DCAF1: variants seen among roughly 807,000 people sequenced by gnomAD.
The protein encoded by DCAF1 is DDB1 and CUL4 associated factor 1, also known as DDB1- and CUL4-associated factor 1.
In DCAF1, 15 loss-of-function variants were observed where a neutral mutation model predicts 128.0. The observed-to-expected ratio is 0.12, with a 90% CI of 0.08 to 0.18. The LOEUF (loss-of-function observed/expected upper bound fraction) is 0.18. DCAF1 is among the 10% of genes least tolerant of loss of function. DCAF1 has a pLI of 1.00. For synonymous variants in DCAF1, 610 were observed against 603.0 expected (o/e 1.01, Z -0.17); for missense variants, 988 against 1,649.5 (o/e 0.60, Z 6.95).
rs142723901 is a variant in DCAF1 at position 51,466,745 on chromosome 3, A to G, written c.261+58T>C. 246 of 1,565,102 alleles carry G rather than the reference A, an allele frequency of 1.6e-4. 1 individual carries two copies. Among genetic ancestry groups the G allele is most frequent in the East Asian group, 1.0e-3 (46 of 44,414 alleles). Reference sequence around the variant, plus strand: ...AAGGCAAACTATTCACGAAAAAACAATAAAGATACAGCATCTACAGATGAT... The same window carrying G: ...AAGGCAAACTATTCACGAAAAAACAGTAAAGATACAGCATCTACAGATGAT... On this transcript the variant is annotated intron_variant, in intron 5 of 24. Transcript: ENST00000684031.
chr3:51,501,650 G>C (rs1298368577), upstream of DCAF1, among the ~76,000 whole-genome samples: 11 of 151,988 alleles, frequency 7.2e-5, no homozygotes, highest in Admixed American at 7.2e-4. Flanking sequence ...TCCAGAAAAG[G>C]GACCATCCTC....
intron 6 of DCAF1, among the ~76,000 whole-genome samples, chr3:51,445,840 G>C (rs73078648): frequency 0.19 from 29,582 of 152,076 alleles, 3,250 homozygotes; most frequent in South Asian, 0.37. Flanking sequence ...CTATCAGTCT[G>C]ATGGGTGTAA....
intron 2 of DCAF1, among the ~76,000 whole-genome samples, chr3:51,485,530 C>A (rs555671102): frequency 1.3e-5 from 2 of 152,324 alleles, no homozygotes; most frequent in African/African-American, 2.4e-5. Flanking sequence ...ATGGCATCAA[C>A]TTCTTTATAA....
At chr3:51,418,050 C>T (rs1326154748) in intron 17 of DCAF1, 66 bp downstream of exon 17, 10 of 1,539,780 alleles carry the variant, frequency 6.5e-6, no homozygotes, top group Non-Finnish European at 8.8e-6. Context: ...AGTCTAAGAA[C>T]CAAATGAAGG....
intron 18 of DCAF1, among the ~76,000 whole-genome samples, 192 bp from the exon 19 acceptor site, chr3:51,415,049 C>T (rs4371506): frequency 2.0e-5 from 3 of 151,968 alleles, no homozygotes; most frequent in Non-Finnish European, 4.4e-5. Context: ...CCAGGCACCT[C>T]TTTTTCTCGG....
intron 23 of DCAF1, among the ~76,000 whole-genome samples, chr3:51,409,399 T>A (rs1423969722): frequency 2.0e-5 from 3 of 152,006 alleles, no homozygotes; most frequent in Admixed American, 1.3e-4. Context: ...TTCCTCTGAG[T>A]TGACCTCCCC....
intron 6 of DCAF1, among the ~76,000 whole-genome samples, chr3:51,459,433 A>G (rs1703295201): frequency 1.3e-5 from 2 of 152,190 alleles, no homozygotes; most frequent in African/African-American, 2.4e-5. Context: ...CCAACCAAAA[A>G]AAGTCCAGGA....
intron 4 of DCAF1, 42 bp downstream of exon 4, chr3:51,470,887 A>C: frequency 7.0e-7 from 1 of 1,426,514 alleles, no homozygotes; most frequent in Non-Finnish European, 9.5e-7. Flanking sequence ...AAGTGTCTTA[A>C]AAGAAAAAAA....
chr3:51,465,806 C>T (rs1704070275), intron 5 of DCAF1, among the ~76,000 whole-genome samples: 1 of 152,148 alleles, frequency 6.6e-6, no homozygotes, highest in South Asian at 2.1e-4. Context: ...GGGCCTTCAT[C>T]GTGTGCCAGG....
Position 51,420,700 on chromosome 3 carries a change from A to T in DCAF1, c.2270T>A (p.Leu757Gln). Residue 757 changes from leucine to glutamine, a missense_variant, in exon 15 of 25, where the codon CTG becomes CAG. By Grantham distance (113) the Leu-to-Gln change is moderately radical. Transcript: ENST00000684031. This position sits in a 1 kb window ranked among gnomAD's most constrained non-coding sequence, Gnocchi z 6.5. ...PITDADQIRALACKALVGLSR... is the reference protein window; with the variant it reads ...PITDADQIRAQACKALVGLSR... ...CAGGCCCACTAGGGCTTTGCAGGCC[A>T]GGGCCCGGATTTGGTCTGCATCTGT... The T allele has an allele frequency of 3.7e-6, 6 of 1,613,636 alleles. No individual in the cohort carries two copies. The highest frequency in any genetic ancestry group is 5.1e-6 in the Non-Finnish European group (6 of 1,179,742).
At chr3:51,428,973 T>C (rs1239515452) in intron 12 of DCAF1, among the ~76,000 whole-genome samples, 1 of 152,188 alleles carries the variant, frequency 6.6e-6, no homozygotes, top group African/African-American at 2.4e-5. Flanking sequence ...CACTCCAGCC[T>C]GGGTGACAGA....
intron 13 of DCAF1, among the ~76,000 whole-genome samples, chr3:51,426,080 A>G (rs1243351477): frequency 1.3e-5 from 2 of 152,218 alleles, no homozygotes; most frequent in African/African-American, 4.8e-5. Flanking sequence ...TCTTCCAGAG[A>G]TGATGTGATG....
At chr3:51,461,499 T>C (rs1237795035) in intron 6 of DCAF1, among the ~76,000 whole-genome samples, 1 of 152,002 alleles carries the variant, frequency 6.6e-6, no homozygotes, top group African/African-American at 2.4e-5. Flanking sequence ...TGGAAGTCAG[T>C]GTGGCGATTC....
At chr3:51,439,119 T>G (rs1701119026) in intron 9 of DCAF1, among the ~76,000 whole-genome samples, 1 of 151,950 alleles carries the variant, frequency 6.6e-6, no homozygotes, top group African/African-American at 2.4e-5. Flanking sequence ...AAACCTTTAC[T>G]GAGTTGAAGG....
At chr3:51,459,416 T>C (rs1703292741) in intron 6 of DCAF1, among the ~76,000 whole-genome samples, 1 of 152,130 alleles carries the variant, frequency 6.6e-6, no homozygotes, top group Non-Finnish European at 1.5e-5. Context: ...CAATAATCAA[T>C]AGCTTACCAA....
intron 9 of DCAF1, among the ~76,000 whole-genome samples, chr3:51,438,884 T>G (rs889949664): frequency 1.3e-5 from 2 of 152,250 alleles, no homozygotes; most frequent in Non-Finnish European, 2.9e-5. Flanking sequence ...GTGCTGGGAT[T>G]ACAGACATGA....
chr3:51,505,255 T>A, the DCAF1 span, among the ~76,000 whole-genome samples: 1 of 151,744 alleles, frequency 6.6e-6, no homozygotes, highest in Non-Finnish European at 1.5e-5. Flanking sequence ...CAGAGTGAGA[T>A]TCTGTCTCAA....
chr3:51,397,878 T>TTAAA lies in DCAF1; in HGVS notation c.*887_*890dup, dbSNP rs2089315508. 6.0e-6 allele frequency: 1 copy of TTAAA among 166,902 alleles called. No individual in the cohort carries two copies. Among genetic ancestry groups the TTAAA allele is most frequent in the Non-Finnish European group, 1.5e-5 (1 of 68,126 alleles). 10.3% of individuals were successfully genotyped at this position (166,902 alleles called of 1,614,324 possible). ...ACTTGTAGTTTATTTTGTATTTTTT[T>TTAAA]TAAATAAATACACTTTACATTAAAG... is the stretch of plus-strand genomic sequence containing the variant. On this transcript the variant is annotated 3_prime_UTR_variant, in exon 25 of 25. Transcript: ENST00000684031.
chr3:51,486,009 A>G (rs1290094518), intron 2 of DCAF1, among the ~76,000 whole-genome samples: 7 of 150,890 alleles, frequency 4.6e-5, no homozygotes, highest in African/African-American at 7.3e-5. Flanking sequence ...TTCCTGCCTC[A>G]GCCTCCCAAG....
Sources: gnomAD v4.1 joint callset for allele counts (sites outside exome capture counted in the v4.1 genomes callset) on GRCh38, gnomAD v4.1.1 for gene constraint, Gnocchi (gnomAD v3.1) non-coding constraint, MANE v1.5 for transcripts, NCBI Gene and HGNC (gene_info 2026-07-23, HGNC 2026-07-21) for gene names.